SETD2: variants seen among roughly 807,000 people sequenced by gnomAD.
SETD2 encodes the protein SET domain containing 2, histone lysine methyltransferase.
In SETD2, 31 loss-of-function variants were observed where a neutral mutation model predicts 242.1. The ratio of observed to expected loss-of-function variants is 0.13; its 90% CI spans 0.10 to 0.17. The LOEUF (loss-of-function observed/expected upper bound fraction) is 0.17, where lower values mean the gene tolerates loss of function less well. Among genes scored for constraint, SETD2 ranks in the 10% least tolerant of loss-of-function variants. The probability of loss-of-function intolerance (pLI) is 1.00; values close to 1 mark genes in which losing one functional copy is unlikely to be tolerated. For missense variants in SETD2, 2,481 were observed against 3,046.3 expected (o/e 0.81, Z 4.37); for synonymous variants, 1,006 against 1,066.5 (o/e 0.94, Z 1.11).
At chr3:47,028,491 G>A (rs1249747198) in intron 18 of SETD2, among the ~76,000 whole-genome samples, 1 of 152,162 alleles carries the variant, frequency 6.6e-6, no homozygotes, top group African/African-American at 2.4e-5. Flanking sequence ...AGATACCCTA[G>A]AGAAAAAATT....
intron 10 of SETD2, 53 bp downstream of exon 10, chr3:47,088,060 C>T (rs2107650376): frequency 2.0e-6 from 3 of 1,536,948 alleles, no homozygotes; most frequent in Non-Finnish European, 2.7e-6. Flanking sequence ...CATCTTCATT[C>T]ATTCATTCCC....
Position 47,121,752 on chromosome 3 carries a change from C to A in SETD2, c.2884G>T (p.Ala962Ser), listed in dbSNP as rs1288231134. Residue 962 changes from alanine (A) to serine (S), a missense_variant, in exon 3 of 21, where the codon GCT (alanine) becomes TCT (serine). By Grantham distance (99) the Ala-to-Ser change is moderately conservative. Coordinates refer to ENST00000409792, the MANE Select transcript of SETD2 (RefSeq NM_014159.7). Reference sequence around the variant, plus strand: ...AATATGGAATTCCCTTCTTCTTGAGCCTCTTGCAAACATTTCCCAGATAAC... The same window carrying A: ...AATATGGAATTCCCTTCTTCTTGAGACTCTTGCAAACATTTCCCAGATAAC... ...NGLSGKCLQE[A>S]QEEGNSILPE... 1 of 1,614,156 alleles carries A rather than the reference C, an allele frequency of 6.2e-7. No homozygotes were observed. Among genetic ancestry groups the A allele is most frequent in the East Asian group, 2.2e-5 (1 of 44,882 alleles).
intron 17 of SETD2, among the ~76,000 whole-genome samples, chr3:47,040,605 T>C (rs370910644): frequency 3.6e-5 from 4 of 111,862 alleles, no homozygotes; most frequent in African/African-American, 1.5e-4. Context: ...GACAAGGTCT[T>C]GCTCTGTCAC....
At chr3:47,031,255 T>G (rs1360195813) in intron 18 of SETD2, among the ~76,000 whole-genome samples, 15 of 152,200 alleles carry the variant, frequency 9.9e-5, no homozygotes, top group Admixed American at 8.5e-4. Context: ...TTATGGACTT[T>G]GGGTGGTAAT....
Position 47,021,582 on chromosome 3 carries a change from C to T in SETD2, c.7351-1742G>A, listed in dbSNP as rs537117288. On this transcript the variant is annotated intron_variant, in intron 18 of 20. Transcript: ENST00000409792. ...CTCCTGAGTGCTGAGCAATTGGGATCGAGAAAGGAAATGATAAAATGAGGG... is the reference window on the plus strand; with the variant it reads ...CTCCTGAGTGCTGAGCAATTGGGATTGAGAAAGGAAATGATAAAATGAGGG... Among the ~76,000 whole-genome samples the T allele has an allele frequency of 4.6e-5, 7 of 152,040 alleles. 1 individual carries two copies. In the East Asian group the frequency reaches 1.4e-3, roughly 29 times the overall value.
chr3:47,156,152 C>T (rs1345425369), intron 1 of SETD2, among the ~76,000 whole-genome samples: 1 of 152,150 alleles, frequency 6.6e-6, no homozygotes, highest in East Asian at 1.9e-4. Flanking sequence ...ATTCTCAAAC[C>T]CAGGCTGGCC....
rs73831469 is a variant in SETD2, at chr3:47,022,797, G to A, written c.7351-2957C>T. On this transcript the variant is annotated intron_variant, in intron 18 of 20. Transcript: ENST00000409792. ...GTCAGCCTTCACCTGTGGCACATTT[G>A]GATTCCTAGGAAATCTGTTCTGATT... 1.9e-3 allele frequency among the ~76,000 whole-genome samples: 292 copies of A among 152,290 alleles called. 2 individuals are homozygous for A. Among genetic ancestry groups the A allele is most frequent in the African/African-American group, 6.7e-3 (280 of 41,566 alleles).
chr3:47,041,879 T>TA lies in SETD2; in HGVS notation c.7238+681dup, dbSNP rs200629389. ...TTTGGAAATAGAAAAGCGCTGTCCG[T>TA]AAAAAAAATTGAACAGCAGAGTTGA... On this transcript the variant is annotated intron_variant, in intron 17 of 20. Coordinates refer to ENST00000409792, the MANE Select transcript of SETD2 (RefSeq NM_014159.7). 4.7e-3 allele frequency among the ~76,000 whole-genome samples: 714 copies of TA among 151,912 alleles called. 8 individuals are homozygous for TA. Among genetic ancestry groups the TA allele is most frequent in the African/African-American group, 0.017 (687 of 41,468 alleles).
chr3:47,053,505 C>G (rs932111077), intron 15 of SETD2, among the ~76,000 whole-genome samples: 1 of 152,114 alleles, frequency 6.6e-6, no homozygotes, highest in East Asian at 1.9e-4. Flanking sequence ...CTACAAATTA[C>G]GTGACCTCTG....
intron 1 of SETD2, among the ~76,000 whole-genome samples, chr3:47,150,392 C>T (rs560309028): frequency 2.6e-5 from 4 of 151,864 alleles, no homozygotes; most frequent in African/African-American, 9.7e-5. Flanking sequence ...TTCCTTTTTG[C>T]CCGTAATATT....
At chr3:47,059,564 C>A (rs539336295) in intron 14 of SETD2, among the ~76,000 whole-genome samples, 1 of 151,662 alleles carries the variant, frequency 6.6e-6, no homozygotes, top group Non-Finnish European at 1.5e-5. Flanking sequence ...GGACTACAAT[C>A]ATGTGCCACC....
chr3:47,080,784 T>C (rs931427887), intron 12 of SETD2: 2 of 985,794 alleles, frequency 2.0e-6, no homozygotes, highest in Non-Finnish European at 2.4e-6. Context: ...TATATAGGTA[T>C]AGAAAAAGTA....
chr3:47,040,188 A>C (rs1234510934), intron 17 of SETD2, among the ~76,000 whole-genome samples: 2 of 152,102 alleles, frequency 1.3e-5, no homozygotes, highest in Non-Finnish European at 2.9e-5. Flanking sequence ...CATGTTGGCC[A>C]GGCTGGTCTT....
chr3:47,018,007 A>T (rs1211597335), intron 19 of SETD2, among the ~76,000 whole-genome samples: 2 of 152,166 alleles, frequency 1.3e-5, no homozygotes, highest in Non-Finnish European at 2.9e-5. Flanking sequence ...GCATGACTTC[A>T]ATGCTGAGTC....
Position 47,071,135 on chromosome 3 carries a change from G to A in SETD2, c.6061-4017C>T, listed in dbSNP as rs138823924. ...CAGGTGCGTGCCACTATGCCTGGCA[G>A]GTTTGATATTCTGTAAGTTAGGTTC... is the stretch of plus-strand genomic sequence containing the variant. On this transcript the variant is annotated intron_variant, in intron 12 of 20. Coordinates refer to ENST00000409792, the MANE Select transcript of SETD2 (RefSeq NM_014159.7). 1.6e-3 allele frequency among the ~76,000 whole-genome samples: 245 copies of A among 152,298 alleles called. 1 individual carries two copies. Among genetic ancestry groups the A allele is most frequent in the Non-Finnish European group, 2.7e-3 (181 of 68,022 alleles).
chr3:47,116,618 C>T lies in SETD2; in HGVS notation c.4586+5G>A, dbSNP rs2042863716. On this transcript the variant is annotated splice_donor_5th_base_variant and intron_variant, in intron 4 of 20. Coordinates refer to ENST00000409792, the MANE Select transcript of SETD2 (RefSeq NM_014159.7). ...AGCAAAAGCCGAGTATTCTAATTTA[C>T]TTACCATTCAATCATGAGAAGACGA... 6.2e-7 allele frequency: 1 copy of T among 1,605,216 alleles called. No homozygotes were observed. Among genetic ancestry groups the T allele is most frequent in the Admixed American group, 1.7e-5 (1 of 58,210 alleles).
chr3:47,066,772 G>C (rs1266081681), intron 13 of SETD2, among the ~76,000 whole-genome samples: 2 of 151,580 alleles, frequency 1.3e-5, no homozygotes, highest in African/African-American at 4.8e-5. Context: ...AAGAAAAAAA[G>C]ACTAAATAAA....
At position 47,121,387 on chromosome 3, in the gene SETD2, T is replaced by C. The variant is rs80241480; in HGVS notation, c.3249A>G (p.Thr1083=). The C allele has an allele frequency of 6.2e-7, 1 of 1,610,010 alleles. No homozygotes were observed. The highest frequency in any genetic ancestry group is 8.5e-7 in the Non-Finnish European group (1 of 1,179,996). Residue 1083 remains threonine, a synonymous_variant, in exon 3 of 21, where the codon ACA becomes ACG. Transcript: ENST00000409792. The stretch of plus-strand genomic sequence containing the variant: ...GACTGCTCCGAGAAGAACAAGGACT[T>C]GTTTCTTCCATGGGCAAAGTAGAAT... ...PKNSTLPMEE[T]SPCSSRSSQS...
chr3:47,050,129 C>T (rs1436885963), intron 15 of SETD2, among the ~76,000 whole-genome samples: 1 of 150,752 alleles, frequency 6.6e-6, no homozygotes, highest in African/African-American at 2.4e-5. Flanking sequence ...TTCAAAATAG[C>T]TAGAAGAGAA....
Sources: gnomAD v4.1 joint callset for allele counts (sites outside exome capture counted in the v4.1 genomes callset) on GRCh38, gnomAD v4.1.1 for gene constraint, MANE v1.5 for transcripts, NCBI Gene and HGNC (gene_info 2026-07-23, HGNC 2026-07-21) for gene names.